The following TMCO4 variants were observed in gnomAD, a reference collection of about 807,000 sequenced individuals.
TMCO4 encodes transmembrane and coiled-coil domains 4.
In TMCO4, 58 loss-of-function variants were observed where a neutral mutation model predicts 64.7. The ratio of observed to expected loss-of-function variants is 0.90; its 90% CI spans 0.73 to 1.12. TMCO4 has a LOEUF of 1.12. TMCO4 is among the 50% of genes most tolerant of loss of function. TMCO4 has a pLI of 0.00. For missense variants in TMCO4, 780 were observed against 825.9 expected, an observed-to-expected ratio of 0.94 and a Z score of 0.68; for synonymous variants, 325 against 346.1, an observed-to-expected ratio of 0.94 and a Z score of 0.68.
chr1:19,754,181 G>C (rs1211010549), intron 7 of TMCO4, among the ~76,000 whole-genome samples: 1 of 152,100 alleles, frequency 6.6e-6, no homozygotes, highest in Non-Finnish European at 1.5e-5. Flanking sequence ...CCCTGACCTG[G>C]GGTTACCGGT....
chr1:19,761,961 T>C lies in TMCO4; in HGVS notation c.383-6195A>G, dbSNP rs557451499. On this transcript the variant is annotated intron_variant, in intron 6 of 15. Transcript: ENST00000294543. The stretch of plus-strand genomic sequence containing the variant: ...GCAGGCATCATGGCAGGAGCTTGCA[T>C]TTGTGATTGCTGATCCTCCCAATGG... Among the ~76,000 whole-genome samples, 15 of 152,296 alleles carry C rather than the reference T, an allele frequency of 9.8e-5. No individual in the cohort carries two copies. The East Asian group carries it at 2.5e-3, about 25-fold the overall frequency.
chr1:19,728,951 C>T (rs1400256605), intron 13 of TMCO4, among the ~76,000 whole-genome samples: 1 of 152,160 alleles, frequency 6.6e-6, no homozygotes, highest in East Asian at 1.9e-4. Flanking sequence ...CAAATATGGC[C>T]TTCTGGCTGC....
chr1:19,691,362 C>T (rs2095193456), intron 15 of TMCO4, among the ~76,000 whole-genome samples: 2 of 152,152 alleles, frequency 1.3e-5, no homozygotes, highest in Non-Finnish European at 2.9e-5. Flanking sequence ...GTGAACTGGC[C>T]CCAGCGACCT....
At chr1:19,754,232 G>T (rs2042147825) in intron 7 of TMCO4, among the ~76,000 whole-genome samples, 1 of 152,124 alleles carries the variant, frequency 6.6e-6, no homozygotes, top group Non-Finnish European at 1.5e-5. Flanking sequence ...GTTTCTCTCT[G>T]ATAATAAGAT....
chr1:19,752,476 C>T (rs1324873758), intron 7 of TMCO4, among the ~76,000 whole-genome samples: 1 of 152,172 alleles, frequency 6.6e-6, no homozygotes, highest in South Asian at 2.1e-4. Context: ...ATCCATAAAT[C>T]GGTCTTACTC....
chr1:19,742,314 T>C (rs144390998), intron 10 of TMCO4, among the ~76,000 whole-genome samples: 2 of 152,360 alleles, frequency 1.3e-5, no homozygotes, highest in African/African-American at 4.8e-5. Context: ...CCAAGCACTG[T>C]ATTCCCAAAG....
At chr1:19,799,616 A>G (rs1183193066) in intron 1 of TMCO4, among the ~76,000 whole-genome samples, 1 of 152,174 alleles carries the variant, frequency 6.6e-6, no homozygotes, top group African/African-American at 2.4e-5. Flanking sequence ...TTCTAAAAGC[A>G]CTTCCGGCTC....
chr1:19,694,828 C>A (rs2095224947), intron 14 of TMCO4, among the ~76,000 whole-genome samples: 1 of 152,198 alleles, frequency 6.6e-6, no homozygotes, highest in Non-Finnish European at 1.5e-5. Flanking sequence ...GTCTCCAGAG[C>A]TAAGAACAGT....
intron 10 of TMCO4, among the ~76,000 whole-genome samples, chr1:19,742,109 C>T (rs935372721): frequency 1.3e-5 from 2 of 152,142 alleles, no homozygotes; most frequent in African/African-American, 4.8e-5. Flanking sequence ...CCAGATCGTA[C>T]ATCAGTTCCC....
chr1:19,693,781 T>G (rs2095215958), intron 15 of TMCO4, among the ~76,000 whole-genome samples: 1 of 152,178 alleles, frequency 6.6e-6, no homozygotes, highest in South Asian at 2.1e-4. Flanking sequence ...GTGCTTCTGC[T>G]TTTGGTCTAG....
intron 2 of TMCO4, among the ~76,000 whole-genome samples, chr1:19,794,312 C>T (rs1180958445): frequency 2.0e-5 from 3 of 152,228 alleles, no homozygotes; most frequent in African/African-American, 7.2e-5. Flanking sequence ...AGCACACAAA[C>T]ACCAGCCTCC....
chr1:19,755,895 G>T, intron 6 of TMCO4, 129 bp from the exon 7 acceptor site: 1 of 1,040,844 alleles, frequency 9.6e-7, no homozygotes, highest in Non-Finnish European at 1.4e-6. Context: ...GCCAGTCAAT[G>T]AAAAAAATGA....
At chr1:19,711,670 T>C (rs2095331379) in intron 13 of TMCO4, among the ~76,000 whole-genome samples, 1 of 151,618 alleles carries the variant, frequency 6.6e-6, no homozygotes, top group Admixed American at 6.6e-5. Context: ...TTGCTTTTTT[T>C]TTTTGAGACA....
Position 19,739,809 on chromosome 1 carries a change from G to C in TMCO4, c.1179+15C>G. 6.2e-7 allele frequency: 1 copy of C among 1,611,048 alleles called. No individual in the cohort carries two copies. The highest frequency in any genetic ancestry group is 1.1e-5 in the South Asian group (1 of 90,652). ...TCTTGCTCAATGCCACGCCCACACAGCCATTCCCAGGTACCTGCTGCCGGG... is the reference window on the plus strand; with the variant it reads ...TCTTGCTCAATGCCACGCCCACACACCCATTCCCAGGTACCTGCTGCCGGG... On this transcript the variant is annotated intron_variant, in intron 12 of 15. Transcript: ENST00000294543.
chr1:19,683,293 G>A lies in TMCO4; in HGVS notation c.1652C>T (p.Ser551Leu). 1 of 1,614,138 alleles carries A rather than the reference G, an allele frequency of 6.2e-7. No homozygotes were observed. Among genetic ancestry groups the A allele is most frequent in the Non-Finnish European group, 8.5e-7 (1 of 1,179,984 alleles). ...EEPRQAAAAA[S>L]SGETPHQVGQ... ...AACCTGGTGGGGGGTCTCGCCTGATGAGGCGGCAGCTGCTGCCTGGCGAGG... is the reference window on the plus strand; with the variant it reads ...AACCTGGTGGGGGGTCTCGCCTGATAAGGCGGCAGCTGCTGCCTGGCGAGG... Residue 551 changes from serine (S) to leucine (L), a missense_variant, in exon 16 of 16, where the codon TCA (serine) becomes TTA (leucine). Ser to Leu is a moderately radical substitution (Grantham distance 145, BLOSUM62 -2). Coordinates refer to ENST00000294543, the MANE Select transcript of TMCO4 (RefSeq NM_181719.7).
chr1:19,731,099 T>C (rs2095428087), intron 13 of TMCO4, among the ~76,000 whole-genome samples: 1 of 151,990 alleles, frequency 6.6e-6, no homozygotes, highest in Non-Finnish European at 1.5e-5. Context: ...ATCTCGACCA[T>C]CTGGAGGTGT....
In TMCO4 at chr1:19,713,728, C is replaced by A. The variant is rs1399464189; in HGVS notation, c.1265-12843G>T. 6.0e-5 allele frequency among the ~76,000 whole-genome samples: 9 copies of A among 150,238 alleles called. No individual in the cohort carries two copies. In the East Asian group the frequency reaches 7.5e-4, roughly 12 times the overall value. On this transcript the variant is annotated intron_variant, in intron 13 of 15. Transcript: ENST00000294543. Reference sequence around the variant, plus strand: ...AATATATCAACAACAACAACAACAACAACAAAAACAAAAAAAACATGCTCC... The same window carrying A: ...AATATATCAACAACAACAACAACAAAAACAAAAACAAAAAAAACATGCTCC...
chr1:19,707,633 A>G (rs2100659027), intron 13 of TMCO4, among the ~76,000 whole-genome samples: 1 of 152,310 alleles, frequency 6.6e-6, no homozygotes, highest in South Asian at 2.1e-4. Flanking sequence ...CAAAAAATAT[A>G]TAACCCCTTG....
intron 4 of TMCO4, among the ~76,000 whole-genome samples, chr1:19,779,447 T>C (rs1359941660): frequency 6.6e-6 from 1 of 152,118 alleles, no homozygotes; most frequent in Non-Finnish European, 1.5e-5. Flanking sequence ...CTCCATACTC[T>C]CCCCTCTAGA....
Sources: gnomAD v4.1 joint callset for allele counts (sites outside exome capture counted in the v4.1 genomes callset) on GRCh38, gnomAD v4.1.1 for gene constraint, MANE v1.5 for transcripts, NCBI Gene and HGNC (gene_info 2026-07-23, HGNC 2026-07-21) for gene names.